SAMMSON: variants seen among roughly 807,000 people sequenced by gnomAD.
SAMMSON encodes the protein long intergenic non-protein coding RNA 1212.
At chr3:70,106,922 T>C (rs1224410760) in intron 4 of SAMMSON, among the ~76,000 whole-genome samples, 2 of 152,226 alleles carry the variant, frequency 1.3e-5, no homozygotes, top group African/African-American at 4.8e-5. Flanking sequence ...AGCTATTTTC[T>C]GAACAGCTCA....
chr3:70,180,659 C>T (rs556257736), intron 4 of SAMMSON, among the ~76,000 whole-genome samples: 5 of 152,260 alleles, frequency 3.3e-5, no homozygotes, highest in African/African-American at 9.6e-5. Flanking sequence ...CTATACCTCA[C>T]TGAACAATTA....
chr3:70,391,983 A>G (rs532569098), downstream of SAMMSON, among the ~76,000 whole-genome samples: 1 of 152,098 alleles, frequency 6.6e-6, no homozygotes, highest in Non-Finnish European at 1.5e-5. Context: ...GAACTCTACT[A>G]TCTGTTTTTA....
chr3:70,380,208 A>T (rs1284393140), intron 9 of SAMMSON, among the ~76,000 whole-genome samples: 1 of 152,124 alleles, frequency 6.6e-6, no homozygotes, highest in Non-Finnish European at 1.5e-5. Context: ...AAGAACCACA[A>T]AATATTTTAA....
intron 6 of SAMMSON, chr3:70,283,592 T>C (rs947855667): frequency 3.3e-5 from 5 of 152,078 alleles, no homozygotes; most frequent in African/African-American, 1.2e-4. Context: ...TGAGCTTGGT[T>C]GTGTCCACCA....
rs1393532850 is a variant in SAMMSON, at chr3:70,128,668, C to T, written n.507+57103C>T. ...AGGTTGCCCTTTCCTATTCATCTTT[C>T]GATTGTCTGACTCTTTAAGAAAGGG... On this transcript the variant is annotated intron_variant and non_coding_transcript_variant, in intron 4 of 9. Transcript: ENST00000642114. Among the ~76,000 whole-genome samples the T allele has an allele frequency of 9.9e-5, 15 of 152,086 alleles. 1 individual carries two copies. The highest frequency in any genetic ancestry group is 9.2e-4 in the Admixed American group (14 of 15,270).
intron 4 of SAMMSON, among the ~76,000 whole-genome samples, chr3:70,159,240 A>G (rs548964173): frequency 6.6e-6 from 1 of 152,030 alleles, no homozygotes; most frequent in African/African-American, 2.4e-5. Context: ...TTTGTTACAT[A>G]TGTATACATG....
At chr3:70,284,841 C>T (rs2106685669) in intron 6 of SAMMSON, among the ~76,000 whole-genome samples, 1 of 152,016 alleles carries the variant, frequency 6.6e-6, no homozygotes, top group African/African-American at 2.4e-5. Context: ...ATAACAAACC[C>T]CCATGACACA....
intron 4 of SAMMSON, among the ~76,000 whole-genome samples, chr3:70,122,979 G>A (rs1206897085): frequency 6.6e-6 from 1 of 152,140 alleles, no homozygotes; most frequent in African/African-American, 2.4e-5. Context: ...TGCTCTCCTT[G>A]TGGTTCCCAA....
chr3:70,071,385 C>A (rs1332391568), intron 3 of SAMMSON: 1 of 152,062 alleles, frequency 6.6e-6, no homozygotes, highest in Non-Finnish European at 1.5e-5. Flanking sequence ...GAAAGGTTGT[C>A]TGCATATGCG....
intron 4 of SAMMSON, among the ~76,000 whole-genome samples, chr3:70,074,430 G>T (rs1357277965): frequency 6.6e-6 from 1 of 152,064 alleles, no homozygotes; most frequent in Non-Finnish European, 1.5e-5. Context: ...AGAGTAATGT[G>T]ATAGATTTTT....
intron 3 of SAMMSON, among the ~76,000 whole-genome samples, chr3:70,033,837 G>A (rs1332518434): frequency 1.3e-5 from 2 of 152,166 alleles, no homozygotes; most frequent in Non-Finnish European, 2.9e-5. Context: ...TAGCTTGGGA[G>A]ATTGGATGAA....
chr3:70,265,057 T>C (rs1299181195), intron 6 of SAMMSON, among the ~76,000 whole-genome samples: 1 of 152,134 alleles, frequency 6.6e-6, no homozygotes, highest in Non-Finnish European at 1.5e-5. Flanking sequence ...TTATTCACTA[T>C]CACAAGAACA....
At chr3:70,385,263 A>G (rs1575638490) in intron 9 of SAMMSON, among the ~76,000 whole-genome samples, 2 of 152,046 alleles carry the variant, frequency 1.3e-5, no homozygotes, top group Admixed American at 1.3e-4. Context: ...AAATGTTCTT[A>G]TGATAACTAA....
intron 4 of SAMMSON, among the ~76,000 whole-genome samples, chr3:70,188,774 T>G (rs1213843556): frequency 6.6e-6 from 1 of 152,202 alleles, no homozygotes; most frequent in African/African-American, 2.4e-5. Flanking sequence ...TTAACAACAC[T>G]TTATCATCTA....
chr3:70,269,899 T>A (rs1446632313), intron 6 of SAMMSON, among the ~76,000 whole-genome samples: 1 of 152,160 alleles, frequency 6.6e-6, no homozygotes, highest in Non-Finnish European at 1.5e-5. Flanking sequence ...GAAAAATTAC[T>A]ATTCTTAAGT....
intron 4 of SAMMSON, among the ~76,000 whole-genome samples, chr3:70,236,888 C>A (rs1047047532): frequency 6.6e-6 from 1 of 152,144 alleles, no homozygotes; most frequent in South Asian, 2.1e-4. Context: ...ACAGCCACTG[C>A]GCCTAGCAGA....
At chr3:70,328,150 A>G (rs570480365) in intron 7 of SAMMSON, among the ~76,000 whole-genome samples, 5 of 152,272 alleles carry the variant, frequency 3.3e-5, no homozygotes, top group African/African-American at 1.2e-4. Context: ...ATAGCATGGG[A>G]AAGGTCTGCC....
At chr3:70,299,437 G>C (rs1479804014) in intron 7 of SAMMSON, among the ~76,000 whole-genome samples, 1 of 151,968 alleles carries the variant, frequency 6.6e-6, no homozygotes, top group Non-Finnish European at 1.5e-5. Context: ...CTAAAAAATA[G>C]ATAACTTACG....
chr3:70,005,674 A>G (rs1336695152), intron 1 of SAMMSON, among the ~76,000 whole-genome samples: 4 of 152,206 alleles, frequency 2.6e-5, no homozygotes, highest in Admixed American at 2.6e-4. Flanking sequence ...AATGACATGC[A>G]GGTACAGGGT....
Sources: gnomAD v4.1 joint callset for allele counts (sites outside exome capture counted in the v4.1 genomes callset) on GRCh38, gnomAD v4.1.1 for gene constraint, MANE v1.5 for transcripts, NCBI Gene and HGNC (gene_info 2026-07-23, HGNC 2026-07-21) for gene names.